The following BLTP1 variants were observed in gnomAD, a reference collection of about 807,000 sequenced individuals.
BLTP1 encodes the protein fragile site-associated protein.
the BLTP1 span, chr4:122,324,552 G>A: frequency 6.4e-7 from 1 of 1,571,606 alleles, no homozygotes; most frequent in Non-Finnish European, 8.7e-7. Context: ...ATATATTTCA[G>A]CCATTGAAAC....
the BLTP1 span, chr4:122,205,864 CA>C: frequency 1.1e-5 from 7 of 665,908 alleles, no homozygotes; most frequent in African/African-American, 1.4e-4. Flanking sequence ...TGTGAGTATA[CA>C]AAGGTGAGTT....
chr4:122,261,301 C>T, the BLTP1 span: 3 of 985,062 alleles, frequency 3.0e-6, no homozygotes, highest in African/African-American at 3.5e-5. Flanking sequence ...CCTTCTGAAT[C>T]ATATTTAGGT....
At chr4:122,250,637 T>C in the BLTP1 span, 7 of 1,489,888 alleles carry the variant, frequency 4.7e-6, no homozygotes, top group East Asian at 2.3e-5. Context: ...AAACTACATA[T>C]GCAATTCAAA....
At chr4:122,257,610 G>A in the BLTP1 span, 1 of 932,034 alleles carries the variant, frequency 1.1e-6, no homozygotes, top group South Asian at 1.6e-5. Context: ...TCTTTTATCA[G>A]TAAGTTAATA....
At chr4:122,183,489 A>G in the BLTP1 span, 2 of 985,248 alleles carry the variant, frequency 2.0e-6, no homozygotes, top group East Asian at 2.3e-4. Flanking sequence ...GATACTGCAG[A>G]TGTCCATCCT....
the BLTP1 span, among the ~76,000 whole-genome samples, chr4:122,215,912 C>T: frequency 1.3e-5 from 2 of 151,870 alleles, no homozygotes; most frequent in Non-Finnish European, 2.9e-5. Context: ...AGCTTATCCC[C>T]CACTTATGAG....
At chr4:122,186,149 A>G in the BLTP1 span, 6 of 1,612,794 alleles carry the variant, frequency 3.7e-6, no homozygotes, top group South Asian at 1.1e-5. Context: ...GGAGCCAACA[A>G]TAATTCCACC....
the BLTP1 span, chr4:122,250,591 A>G: frequency 6.2e-7 from 1 of 1,605,578 alleles, no homozygotes; most frequent in East Asian, 2.2e-5. Context: ...ACTTTCTAAT[A>G]GTAATAATAA....
chr4:122,343,048 T>G, the BLTP1 span, among the ~76,000 whole-genome samples: 1 of 152,188 alleles, frequency 6.6e-6, no homozygotes, highest in Non-Finnish European at 1.5e-5. Context: ...TATGGATTTT[T>G]TTACAGTATG....
chr4:122,160,904 A>G, the BLTP1 span, among the ~76,000 whole-genome samples: 1 of 152,312 alleles, frequency 6.6e-6, no homozygotes, highest in Admixed American at 6.5e-5. Context: ...TTTGTTACAT[A>G]TGCGCAGAGA....
chr4:122,341,722 C>G, the BLTP1 span: 8 of 984,910 alleles, frequency 8.1e-6, no homozygotes, highest in South Asian at 3.3e-4. Flanking sequence ...ACTTTGTGGT[C>G]TGGGTCAGTG....
At chr4:122,195,774 A>G in the BLTP1 span, 1 of 417,732 alleles carries the variant, frequency 2.4e-6, no homozygotes, top group Admixed American at 6.4e-5. Flanking sequence ...CCTTTCATAT[A>G]TTTTAATTTA....
At chr4:122,286,545 A>G in the BLTP1 span, 1 of 1,614,076 alleles carries the variant, frequency 6.2e-7, no homozygotes, top group Admixed American at 1.7e-5. Context: ...TTACAGGTGC[A>G]CAGACAAGAT....
chr4:122,197,334 AGTTT>A, the BLTP1 span: 1 of 1,220,366 alleles, frequency 8.2e-7, no homozygotes, highest in African/African-American at 1.6e-5. Context: ...TAAATAATAA[AGTTT>A]GTTAATCATC....
At chr4:122,240,799 A>G in the BLTP1 span, among the ~76,000 whole-genome samples, 1,871 of 152,268 alleles carry the variant, frequency 0.012, 39 homozygotes, top group African/African-American at 0.044. Flanking sequence ...CATTTCCGTA[A>G]TGTATTCTGA....
At chr4:122,324,438 A>G in the BLTP1 span, 12 of 1,609,148 alleles carry the variant, frequency 7.5e-6, no homozygotes, top group Non-Finnish European at 1.0e-5. Context: ...CTGCTTCCCT[A>G]AAGGATAAGT....
chr4:122,212,509 G>A, the BLTP1 span, among the ~76,000 whole-genome samples: 1 of 152,058 alleles, frequency 6.6e-6, no homozygotes, highest in African/African-American at 2.4e-5. Context: ...TAATTAGTAG[G>A]TGAAGGTAGT....
At chr4:122,319,484 TTGA>T in the BLTP1 span, among the ~76,000 whole-genome samples, 101 of 152,092 alleles carry the variant, frequency 6.6e-4, no homozygotes, top group African/African-American at 2.3e-3. Context: ...CTTTCTGTTG[TTGA>T]TTTCTGGTTA....
chr4:122,240,246 A>T, the BLTP1 span: 1 of 1,614,128 alleles, frequency 6.2e-7, no homozygotes, highest in Non-Finnish European at 8.5e-7. Flanking sequence ...GCACCCAACC[A>T]ACAAAAGAAC....
Sources: allele counts gnomAD v4.1 joint callset (sites outside exome capture counted in the v4.1 genomes callset), GRCh38; gene constraint gnomAD v4.1.1; transcripts MANE v1.5; gene names NCBI Gene and HGNC (gene_info 2026-07-23, HGNC 2026-07-21).